Variants in OXR1 observed in about 807,000 individuals in gnomAD.
OXR1 encodes the protein oxidation resistance protein 1.
OXR1 carries 41 observed loss-of-function variants against 104.6 expected under a neutral mutation model. The ratio of observed to expected loss-of-function variants is 0.39; its 90% CI spans 0.31 to 0.51. OXR1 has a LOEUF of 0.51. Ranked by LOEUF, OXR1 falls within the 20% of genes least tolerant of loss-of-function variation. The probability of loss-of-function intolerance (pLI) is 0.77; values close to 1 mark genes in which losing one functional copy is unlikely to be tolerated. For synonymous variants in OXR1, 348 were observed against 348.4 expected (o/e 1.00, Z 0.01); for missense variants, 955 against 1,031.9 (o/e 0.93, Z 1.02).
At position 106,357,751 on chromosome 8, in the gene OXR1, T is replaced by C. The variant is rs575576782; in HGVS notation, c.-138-1725T>C. Among the ~76,000 whole-genome samples the C allele has an allele frequency of 1.3e-4, 20 of 152,284 alleles. No individual in the cohort carries two copies. In the South Asian group the frequency reaches 4.1e-3, roughly 32 times the overall value. ...ACTTAAGGAAGCTGAAGTTTGATATTTAAAATTATAAATATAAAATGTAAA... is the reference window on the plus strand; with the variant it reads ...ACTTAAGGAAGCTGAAGTTTGATATCTAAAATTATAAATATAAAATGTAAA... On this transcript the variant is annotated intron_variant, in intron 1 of 16. Coordinates refer to ENST00000517566, the MANE Select transcript of OXR1 (RefSeq NM_001198533.2).
At chr8:106,680,321 C>A (rs1360677466) in intron 4 of OXR1, among the ~76,000 whole-genome samples, 1 of 151,988 alleles carries the variant, frequency 6.6e-6, no homozygotes, top group Non-Finnish European at 1.5e-5. Context: ...TATAGGTAAC[C>A]TTTAAAATTT....
chr8:106,309,782 T>C (rs930368253), intron 1 of OXR1, among the ~76,000 whole-genome samples: 4 of 150,616 alleles, frequency 2.7e-5, no homozygotes, highest in Non-Finnish European at 4.4e-5. Context: ...TATATACACA[T>C]ATATAAATAT....
intron 3 of OXR1, among the ~76,000 whole-genome samples, chr8:106,579,170 C>G (rs968868552): frequency 1.3e-5 from 2 of 152,108 alleles, no homozygotes; most frequent in Admixed American, 1.3e-4. Flanking sequence ...CCTTGGGCCA[C>G]ATTTCTGGCT....
At chr8:106,436,237 G>A (rs1007664888) in intron 2 of OXR1, among the ~76,000 whole-genome samples, 3 of 151,880 alleles carry the variant, frequency 2.0e-5, no homozygotes, top group Non-Finnish European at 4.4e-5. Flanking sequence ...ATTTCTGGTT[G>A]GCATGAGGCT....
intron 2 of OXR1, among the ~76,000 whole-genome samples, chr8:106,497,813 CGT>C (rs1554583335): frequency 2.0e-5 from 3 of 150,850 alleles, no homozygotes; most frequent in African/African-American, 4.9e-5. Flanking sequence ...TGTGCACACG[CGT>C]GTGTGTGTGT....
chr8:106,539,033 A>C (rs1184653242), intron 3 of OXR1, among the ~76,000 whole-genome samples: 1 of 152,212 alleles, frequency 6.6e-6, no homozygotes, highest in African/African-American at 2.4e-5. Context: ...ATTTGACTTC[A>C]AAGCCTGTCT....
intron 3 of OXR1, among the ~76,000 whole-genome samples, chr8:106,616,621 TA>T: frequency 6.6e-6 from 1 of 152,210 alleles, no homozygotes; most frequent in Non-Finnish European, 1.5e-5. Context: ...AATGACCAGT[TA>T]TTATGGAGTT....
chr8:106,432,125 C>T (rs1392135123), intron 2 of OXR1, among the ~76,000 whole-genome samples: 1 of 152,104 alleles, frequency 6.6e-6, no homozygotes, highest in Non-Finnish European at 1.5e-5. Context: ...TTTCACCTGC[C>T]CTTGCTACTT....
At chr8:106,567,255 T>C (rs901549999) in intron 3 of OXR1, among the ~76,000 whole-genome samples, 12 of 152,270 alleles carry the variant, frequency 7.9e-5, no homozygotes, top group African/African-American at 2.6e-4. Context: ...ACATAGAGAT[T>C]TCCAAGATAT....
At chr8:106,487,871 C>G (rs199630129) in intron 2 of OXR1, among the ~76,000 whole-genome samples, 15,831 of 151,220 alleles carry the variant, frequency 0.1, 906 homozygotes, top group African/African-American at 0.14. Context: ...TGAATAATGC[C>G]GCAATAAACA....
chr8:106,314,390 A>G (rs1053918686), intron 1 of OXR1, among the ~76,000 whole-genome samples: 4 of 152,214 alleles, frequency 2.6e-5, no homozygotes, highest in African/African-American at 9.6e-5. Context: ...AATATTTGAT[A>G]TGTTAATTAG....
intron 3 of OXR1, among the ~76,000 whole-genome samples, chr8:106,628,656 G>A (rs1438374555): frequency 6.6e-6 from 1 of 152,126 alleles, no homozygotes; most frequent in Non-Finnish European, 1.5e-5. Flanking sequence ...AAGGTTAGCT[G>A]ATACCTCACT....
chr8:106,359,820 CTA>C (rs1385794276), intron 2 of OXR1, among the ~76,000 whole-genome samples, 184 bp downstream of exon 2: 1 of 152,168 alleles, frequency 6.6e-6, no homozygotes, highest in African/African-American at 2.4e-5. Context: ...ACTTTCAGTG[CTA>C]TGATATCTGG....
At chr8:106,431,211 G>A (rs1819346150) in intron 2 of OXR1, among the ~76,000 whole-genome samples, 1 of 152,106 alleles carries the variant, frequency 6.6e-6, no homozygotes, top group Non-Finnish European at 1.5e-5. Context: ...GAGATGAATT[G>A]TCCCCACTCA....
chr8:106,659,877 C>T (rs373718124), intron 3 of OXR1, among the ~76,000 whole-genome samples: 5 of 152,258 alleles, frequency 3.3e-5, no homozygotes, highest in South Asian at 4.2e-4. Context: ...TTCAAAGTGG[C>T]GCTTCTGAAG....
intron 2 of OXR1, among the ~76,000 whole-genome samples, chr8:106,391,654 T>C (rs1271914964): frequency 2.0e-5 from 3 of 152,206 alleles, no homozygotes; most frequent in South Asian, 4.1e-4. Flanking sequence ...ATAAATTTAT[T>C]TGTGCATTCT....
chr8:106,718,927 CA>C (rs1832571251), intron 11 of OXR1, among the ~76,000 whole-genome samples: 1 of 151,676 alleles, frequency 6.6e-6, no homozygotes, highest in African/African-American at 2.4e-5. Flanking sequence ...AATCAAGGCA[CA>C]AAATGATTAA....
intron 3 of OXR1, among the ~76,000 whole-genome samples, chr8:106,640,299 T>C (rs1823519546): frequency 6.6e-6 from 1 of 151,478 alleles, no homozygotes; most frequent in East Asian, 1.9e-4. Context: ...CATTTGTATA[T>C]ACGTATTTGT....
At chr8:106,388,062 C>A (rs923158687) in intron 2 of OXR1, among the ~76,000 whole-genome samples, 5 of 151,896 alleles carry the variant, frequency 3.3e-5, no homozygotes, top group Non-Finnish European at 7.4e-5. Flanking sequence ...ATTGTAGAAC[C>A]AATATTAGAA....
Sources: gnomAD v4.1 joint callset for allele counts (sites outside exome capture counted in the v4.1 genomes callset) on GRCh38, gnomAD v4.1.1 for gene constraint, MANE v1.5 for transcripts, NCBI Gene and HGNC (gene_info 2026-07-23, HGNC 2026-07-21) for gene names.